TMEM240: variants seen among roughly 807,000 people sequenced by gnomAD.
The protein encoded by TMEM240 is transmembrane protein 240, also known as transmembrane protein C1orf70.
In TMEM240, 3 loss-of-function variants were observed where a neutral mutation model predicts 19.5. That is an observed-to-expected ratio of 0.15 (90% CI 0.07 to 0.40). TMEM240 has a LOEUF of 0.40. Ranked by LOEUF, TMEM240 falls within the 10% of genes least tolerant of loss-of-function variation. The pLI, the probability that TMEM240 is intolerant of heterozygous loss-of-function variation, is 1.00. For missense variants in TMEM240, 210 were observed against 253.5 expected (o/e 0.83, Z 1.17); for synonymous variants, 123 against 109.3 (o/e 1.13, Z -0.78).
In TMEM240 at chr1:1,535,241, C is replaced by T. The variant is rs1346335549; in HGVS notation, c.*118G>A. On this transcript the variant is annotated 3_prime_UTR_variant, in exon 4 of 4. Coordinates refer to ENST00000378733, the MANE Select transcript of TMEM240 (RefSeq NM_001114748.2). This position sits in a 1 kb window ranked among gnomAD's most constrained non-coding sequence, Gnocchi z 8.2. ...GGACTCTCCCGGCCGGCCACAGCCC[C>T]GGACAACCTGGGCCCAGGGCTGCTG... 36 of 1,251,852 alleles carry T rather than the reference C, an allele frequency of 2.9e-5. No individual in the cohort carries two copies. Among genetic ancestry groups the T allele is most frequent in the Middle Eastern group, 2.3e-4 (1 of 4,396 alleles). 77.5% of individuals were successfully genotyped at this position (1,251,852 alleles called of 1,614,324 possible). A position where few individuals can be genotyped will look rare whatever the true frequency, so the allele number is the denominator to read the frequency against.
At position 1,535,970 on chromosome 1, in the gene TMEM240, G is replaced by A. The variant is rs866360149; in HGVS notation, c.165-173C>T. On this transcript the variant is annotated intron_variant, in intron 2 of 3. Transcript: ENST00000378733. This position sits in a 1 kb window ranked among gnomAD's most constrained non-coding sequence, Gnocchi z 8.2. ...GGGGCACCAGACTCAACGAGGCCCA[G>A]GTCACAGGCCAGAGGGAGTGGGAGG... 9.2e-5 allele frequency among the ~76,000 whole-genome samples: 14 copies of A among 152,230 alleles called. No homozygotes were observed. Among genetic ancestry groups the A allele is most frequent in the Non-Finnish European group, 1.8e-4 (12 of 67,982 alleles).
At chr1:1,537,279 C>T (rs1020783819) in intron 2 of TMEM240, among the ~76,000 whole-genome samples, 2 of 151,958 alleles carry the variant, frequency 1.3e-5, no homozygotes, top group Non-Finnish European at 2.9e-5. Context: ...TGAGGAGTGA[C>T]CATGACCGTG....
chr1:1,535,257 A>C lies in TMEM240; in HGVS notation c.*102T>G, dbSNP rs971093249. On this transcript the variant is annotated 3_prime_UTR_variant, in exon 4 of 4. Coordinates refer to ENST00000378733, the MANE Select transcript of TMEM240 (RefSeq NM_001114748.2). The surrounding 1 kb of genome is among the most constrained non-coding windows in gnomAD (Gnocchi z 8.2). ...CCACAGCCCCGGACAACCTGGGCCCAGGGCTGCTGTCCAGTCCCGCCGGCC... is the reference window on the plus strand; with the variant it reads ...CCACAGCCCCGGACAACCTGGGCCCCGGGCTGCTGTCCAGTCCCGCCGGCC... 7.5e-7 allele frequency: 1 copy of C among 1,331,308 alleles called. No individual in the cohort carries two copies. The highest frequency in any genetic ancestry group is 1.0e-6 in the Non-Finnish European group (1 of 993,310). The allele number at this position is 1,331,308 out of a possible 1,614,324, so 82.5% of individuals were successfully genotyped here.
intron 1 of TMEM240, 96 bp from the exon 2 acceptor site, chr1:1,539,886 G>C (rs1360222977): frequency 5.5e-6 from 6 of 1,092,046 alleles, no homozygotes; most frequent in African/African-American, 5.0e-5. Flanking sequence ...CAGCGCAAGC[G>C]GGGAGCGAGA....
chr1:1,535,436 C>G lies in TMEM240; in HGVS notation c.445G>C (p.Glu149Gln), dbSNP rs546291208. The G allele has an allele frequency of 6.5e-7, 1 of 1,549,412 alleles. No homozygotes were observed. The highest frequency in any genetic ancestry group is 8.7e-7 in the Non-Finnish European group (1 of 1,146,452). The change falls in exon 4 of 4, where the codon GAG (glutamate) becomes CAG (glutamine). Residue 149 changes from glutamate to glutamine, a missense_variant. By Grantham distance (29) the Glu-to-Gln change is conservative. Coordinates refer to ENST00000378733, the MANE Select transcript of TMEM240 (RefSeq NM_001114748.2). This position sits in a 1 kb window ranked among gnomAD's most constrained non-coding sequence, Gnocchi z 8.2. ...ELGRRPHRPF[E>Q]EAAGNMVHVK... Reference sequence around the variant, plus strand: ...TGTACCATGTTCCCGGCGGCCTCCTCGAAGGGCCTGTGCGGCCGCCGGCCC... The same window carrying G: ...TGTACCATGTTCCCGGCGGCCTCCTGGAAGGGCCTGTGCGGCCGCCGGCCC...
Position 1,535,948 on chromosome 1 carries a change from G to A in TMEM240, c.165-151C>T, listed in dbSNP as rs983121115. On this transcript the variant is annotated intron_variant, in intron 2 of 3. Coordinates refer to ENST00000378733, the MANE Select transcript of TMEM240 (RefSeq NM_001114748.2). The surrounding 1 kb of genome is among the most constrained non-coding windows in gnomAD (Gnocchi z 8.2). ...CTTGGGCGGGCGGGTCGGGAAGGGGGCACCAGACTCAACGAGGCCCAGGTC... is the reference window on the plus strand; with the variant it reads ...CTTGGGCGGGCGGGTCGGGAAGGGGACACCAGACTCAACGAGGCCCAGGTC... Among the ~76,000 whole-genome samples, 8 of 152,094 alleles carry A rather than the reference G, an allele frequency of 5.3e-5. No homozygotes were observed. Among genetic ancestry groups the A allele is most frequent in the Admixed American group, 2.6e-4 (4 of 15,278 alleles).
chr1:1,539,660 A>G (rs951057057), intron 2 of TMEM240, 24 bp downstream of exon 2: 4 of 1,541,896 alleles, frequency 2.6e-6, no homozygotes, highest in Non-Finnish European at 2.6e-6. Flanking sequence ...ACGCGTGTCG[A>G]GCCGGCGCCG....
Position 1,539,519 on chromosome 1 carries a change from G to A in TMEM240, c.164+165C>T, listed in dbSNP as rs1380893457. The A allele has an allele frequency of 6.4e-6, 4 of 628,556 alleles. 1 individual carries two copies. The Middle Eastern group carries it at 1.3e-3, about 202-fold the overall frequency. 38.9% of individuals were successfully genotyped at this position (628,556 alleles called of 1,614,324 possible). A position where few individuals can be genotyped will look rare whatever the true frequency, so the allele number is the denominator to read the frequency against. On this transcript the variant is annotated intron_variant, in intron 2 of 3. Transcript: ENST00000378733. ...GTCCTAAAGCCATGCGCCCCCAGGA[G>A]ACCCCCGCCCACCTTGAGACAGCTC...
chr1:1,539,338 C>T (rs925294102), intron 2 of TMEM240: 3 of 328,278 alleles, frequency 9.1e-6, no homozygotes, highest in South Asian at 5.5e-5. Flanking sequence ...AGGGCCCAGC[C>T]CTGTGCCAGC....
At chr1:1,537,324 G>A (rs537277917) in intron 2 of TMEM240, among the ~76,000 whole-genome samples, 42 of 152,160 alleles carry the variant, frequency 2.8e-4, no homozygotes, top group Non-Finnish European at 3.7e-4. Context: ...ACCTGGTGAC[G>A]AGCCTGTCCA....
chr1:1,535,855 C>G lies in TMEM240; in HGVS notation c.165-58G>C. On this transcript the variant is annotated intron_variant, in intron 2 of 3. Transcript: ENST00000378733. This position sits in a 1 kb window ranked among gnomAD's most constrained non-coding sequence, Gnocchi z 8.2. ...CGCCACCCCCGGCCTGGCCTTCCCCCGGGGCGCCTACCCCGTGGTGGGGGT... is the reference window on the plus strand; with the variant it reads ...CGCCACCCCCGGCCTGGCCTTCCCCGGGGGCGCCTACCCCGTGGTGGGGGT... The G allele has an allele frequency of 8.0e-7, 1 of 1,243,334 alleles. No individual in the cohort carries two copies. The highest frequency in any genetic ancestry group is 1.1e-6 in the Non-Finnish European group (1 of 937,734). 77.0% of individuals were successfully genotyped at this position (1,243,334 alleles called of 1,614,324 possible).
In TMEM240 at chr1:1,540,333, G is replaced by C; in HGVS notation, c.14C>G (p.Ala5Gly). 7.8e-7 allele frequency: 1 copy of C among 1,289,088 alleles called. No homozygotes were observed. Among genetic ancestry groups the C allele is most frequent in the Non-Finnish European group, 9.9e-7 (1 of 1,008,416 alleles). 79.9% of individuals were successfully genotyped at this position (1,289,088 alleles called of 1,614,324 possible). A position where few individuals can be genotyped will look rare whatever the true frequency, so the allele number is the denominator to read the frequency against. Residue 5 changes from alanine (A) to glycine (G), a missense_variant, in exon 1 of 4, where the codon GCG (alanine) becomes GGG (glycine). Coordinates refer to ENST00000378733, the MANE Select transcript of TMEM240 (RefSeq NM_001114748.2). MSMS[A>G]NTMIFMILGA... Reference sequence around the variant, plus strand: ...CAGAATCATGAAGATCATGGTGTTCGCGCTCATGGACATCGGGCGGGGCCG... The same window carrying C: ...CAGAATCATGAAGATCATGGTGTTCCCGCTCATGGACATCGGGCGGGGCCG...
At position 1,536,689 on chromosome 1, in the gene TMEM240, C is replaced by T. The variant is rs1263278665; in HGVS notation, c.165-892G>A. 1.3e-5 allele frequency among the ~76,000 whole-genome samples: 2 copies of T among 152,146 alleles called. No individual in the cohort carries two copies. Among genetic ancestry groups the T allele is most frequent in the Non-Finnish European group, 2.9e-5 (2 of 68,002 alleles). On this transcript the variant is annotated intron_variant, in intron 2 of 3. Transcript: ENST00000378733. The surrounding 1 kb of genome is among the most constrained non-coding windows in gnomAD (Gnocchi z 5.4). ...TCCCAGGAAGGTCTCCGGGCCTTGA[C>T]TCTGCCGATCGGACTGGCATCCCAG...
chr1:1,537,493 T>A (rs4259576), intron 2 of TMEM240, among the ~76,000 whole-genome samples: 73,080 of 151,960 alleles, frequency 0.48, 20,973 homozygotes, highest in East Asian at 0.86. Context: ...TCACAGCCTG[T>A]GTCCCCCACC....
rs548426697 is a variant in TMEM240, at chr1:1,536,207, C to A, written c.165-410G>T. 6.6e-6 allele frequency among the ~76,000 whole-genome samples: 1 copy of A among 152,198 alleles called. No homozygotes were observed. Among genetic ancestry groups the A allele is most frequent in the Non-Finnish European group, 1.5e-5 (1 of 67,962 alleles). ...ACAGCTCACCCGCCCGCCCCGGGGC[C>A]GCGGAGGCCACTTGGAGCAGAGCTG... On this transcript the variant is annotated intron_variant, in intron 2 of 3. Transcript: ENST00000378733. The surrounding 1 kb of genome is among the most constrained non-coding windows in gnomAD (Gnocchi z 5.4).
intron 2 of TMEM240, among the ~76,000 whole-genome samples, chr1:1,537,380 C>A (rs1057305777): frequency 1.3e-5 from 2 of 152,108 alleles, no homozygotes; most frequent in Non-Finnish European, 2.9e-5. Context: ...GACCACTGCC[C>A]AGAATGTGCA....
At position 1,540,367 on chromosome 1, in the gene TMEM240, C is replaced by A; in HGVS notation, c.-21G>T. 8.6e-7 allele frequency: 1 copy of A among 1,161,258 alleles called. No individual in the cohort carries two copies. Among genetic ancestry groups the A allele is most frequent in the Non-Finnish European group, 1.1e-6 (1 of 935,484 alleles). 71.9% of individuals were successfully genotyped at this position (1,161,258 alleles called of 1,614,324 possible). ...GACATCGGGCGGGGCCGGGCCGGGCCGGAGCGCCGCCCCCCGGCCCCGGCG... is the reference window on the plus strand; with the variant it reads ...GACATCGGGCGGGGCCGGGCCGGGCAGGAGCGCCGCCCCCCGGCCCCGGCG... On this transcript the variant is annotated 5_prime_UTR_variant, in exon 1 of 4. Transcript: ENST00000378733.
intron 2 of TMEM240, among the ~76,000 whole-genome samples, chr1:1,537,267 G>A (rs145941594): frequency 1.4e-4 from 21 of 152,150 alleles, no homozygotes; most frequent in East Asian, 1.2e-3. Context: ...CAGGGCTCTC[G>A]GTGAGGAGTG....
intron 1 of TMEM240, 47 bp downstream of exon 1, chr1:1,540,243 G>A (rs1642282849): frequency 6.4e-6 from 8 of 1,252,110 alleles, no homozygotes; most frequent in Non-Finnish European, 7.1e-6. Flanking sequence ...CAGGCGGCGC[G>A]CGCGGGCGGG....
Sources: allele counts gnomAD v4.1 joint callset (sites outside exome capture counted in the v4.1 genomes callset), GRCh38; gene constraint gnomAD v4.1.1; non-coding constraint Gnocchi (gnomAD v3.1); transcripts MANE v1.5; gene names NCBI Gene and HGNC (gene_info 2026-07-23, HGNC 2026-07-21).